FRMD3: variants seen among roughly 807,000 people sequenced by gnomAD.
FRMD3 encodes the protein FERM domain-containing protein 3.
Under a neutral mutation model 70.2 loss-of-function variants are expected in FRMD3, and 33 were observed. The observed-to-expected ratio is 0.47, with a 90% CI of 0.36 to 0.63. FRMD3 has a LOEUF of 0.63. Ranked by LOEUF, FRMD3 falls within the 20% of genes least tolerant of loss-of-function variation. The probability of loss-of-function intolerance (pLI) is 0.00; values close to 1 mark genes in which losing one functional copy is unlikely to be tolerated. For missense variants in FRMD3, 632 were observed against 711.4 expected (o/e 0.89, Z 1.27); for synonymous variants, 279 against 255.9 (o/e 1.09, Z -0.86).
At chr9:83,408,322 A>T (rs1201287769) in intron 1 of FRMD3, among the ~76,000 whole-genome samples, 4 of 152,218 alleles carry the variant, frequency 2.6e-5, no homozygotes, top group African/African-American at 9.7e-5. Flanking sequence ...TGGCACAAGG[A>T]TATTCGGGAG....
intron 13 of FRMD3, among the ~76,000 whole-genome samples, chr9:83,253,615 A>G (rs1166479717): frequency 6.6e-6 from 1 of 152,220 alleles, no homozygotes; most frequent in Non-Finnish European, 1.5e-5. Flanking sequence ...TCAGGAAACA[A>G]CAGGTGCTGG....
chr9:83,531,152 C>T (rs745957131), intron 1 of FRMD3, among the ~76,000 whole-genome samples: 1 of 152,126 alleles, frequency 6.6e-6, no homozygotes, highest in Non-Finnish European at 1.5e-5. Flanking sequence ...GAGGATAGAG[C>T]CATCCCAAAT....
At chr9:83,576,730 T>C in the FRMD3 span, among the ~76,000 whole-genome samples, 1 of 152,058 alleles carries the variant, frequency 6.6e-6, no homozygotes, top group African/African-American at 2.4e-5. Flanking sequence ...TATTTAACAT[T>C]GTACAGGAGT....
Position 83,507,691 on chromosome 9 carries a change from CATATATATATATAT to C in FRMD3, c.147+30380_147+30393del, listed in dbSNP as rs34251863. Among the ~76,000 whole-genome samples, 353 of 49,238 alleles carry C rather than the reference CATATATATATATAT, an allele frequency of 7.2e-3. 9 individuals are homozygous for C. The highest frequency in any genetic ancestry group is 0.016 in the East Asian group (25 of 1,558). 32.3% of individuals were successfully genotyped at this position (49,238 alleles called of 152,430 possible). A position where few individuals can be genotyped will look rare whatever the true frequency, so the allele number is the denominator to read the frequency against. ...TCTCAAACAAAAAAAAATATACATA[CATATATATATATAT>C]ATATATATATATATATATATATATA... On this transcript the variant is annotated intron_variant, in intron 1 of 13. Transcript: ENST00000304195.
At chr9:83,422,046 G>A (rs1438091519) in intron 1 of FRMD3, among the ~76,000 whole-genome samples, 2 of 152,124 alleles carry the variant, frequency 1.3e-5, no homozygotes. Context: ...CCAACGTGGT[G>A]AAACCCCGTC....
intron 1 of FRMD3, among the ~76,000 whole-genome samples, chr9:83,407,765 C>T (rs1037061228): frequency 6.6e-6 from 1 of 151,222 alleles, no homozygotes; most frequent in Admixed American, 6.6e-5. Flanking sequence ...GATGTGGAAG[C>T]AACTGAAGAT....
At position 83,516,058 on chromosome 9, in the gene FRMD3, C is replaced by T. The variant is rs550362227; in HGVS notation, c.147+22027G>A. Among the ~76,000 whole-genome samples the T allele has an allele frequency of 1.9e-4, 29 of 152,240 alleles. No homozygotes were observed. The Middle Eastern group carries it at 0.014, about 71-fold the overall frequency. On this transcript the variant is annotated intron_variant, in intron 1 of 13. Coordinates refer to ENST00000304195, the MANE Select transcript of FRMD3 (RefSeq NM_174938.6). ...CATTGATACTATGAAGAAACTGCAA[C>T]AACTAATGGGCAAAATAACCAGCTA... is the stretch of plus-strand genomic sequence containing the variant.
At chr9:83,488,972 TTGTG>T (rs4014025) in intron 1 of FRMD3, among the ~76,000 whole-genome samples, 2,950 of 135,592 alleles carry the variant, frequency 0.022, 38 homozygotes, top group Middle Eastern at 0.044. Flanking sequence ...CCCTATACCT[TTGTG>T]TGTGTGTGTG....
At chr9:83,283,539 AAAAAAAAAATAAT>A (rs774434012) in intron 13 of FRMD3, among the ~76,000 whole-genome samples, 678 of 45,296 alleles carry the variant, frequency 0.015, 4 homozygotes, top group East Asian at 0.078. Flanking sequence ...TCAAAAAAAA[AAAAAAAAAATAAT>A]AATAATAATA....
At chr9:83,293,605 T>C (rs1054229733) in intron 12 of FRMD3, among the ~76,000 whole-genome samples, 2 of 152,146 alleles carry the variant, frequency 1.3e-5, no homozygotes, top group African/African-American at 4.8e-5. Context: ...CATTGCAATG[T>C]CCAGACAATT....
intron 4 of FRMD3, among the ~76,000 whole-genome samples, chr9:83,345,753 T>A (rs907038765): frequency 1.3e-5 from 2 of 151,560 alleles, no homozygotes; most frequent in Non-Finnish European, 2.9e-5. Flanking sequence ...CAAGACTCCA[T>A]CTCAAAAAAT....
chr9:83,486,932 T>TAACAGTGACATCTGGTG (rs1400587651), intron 1 of FRMD3, among the ~76,000 whole-genome samples: 14 of 152,214 alleles, frequency 9.2e-5, no homozygotes, highest in African/African-American at 3.4e-4. Flanking sequence ...ACTCCTGCAT[T>TAACAGTGACATCTGGTG]AACAGTGACA....
chr9:83,399,082 T>C (rs935432603), intron 1 of FRMD3, among the ~76,000 whole-genome samples: 36 of 152,124 alleles, frequency 2.4e-4, no homozygotes, highest in African/African-American at 8.2e-4. Flanking sequence ...GGCTTAATAG[T>C]ATTAAAGCTA....
intron 10 of FRMD3, among the ~76,000 whole-genome samples, chr9:83,301,314 C>T (rs1042000213): frequency 6.6e-6 from 1 of 152,154 alleles, no homozygotes; most frequent in Non-Finnish European, 1.5e-5. Context: ...TCCCCACTAG[C>T]CCTACAGAGC....
intron 3 of FRMD3, among the ~76,000 whole-genome samples, chr9:83,358,145 T>C (rs984040941): frequency 1.4e-4 from 22 of 152,234 alleles, no homozygotes; most frequent in African/African-American, 5.3e-4. Context: ...TTCATTCTTC[T>C]ATATGTGGCT....
rs981929333 is a variant in FRMD3 at position 83,537,932 on chromosome 9, C to T, written c.147+153G>A. On this transcript the variant is annotated intron_variant, in intron 1 of 13. Coordinates refer to ENST00000304195, the MANE Select transcript of FRMD3 (RefSeq NM_174938.6). The surrounding 1 kb of genome is among the most constrained non-coding windows in gnomAD (Gnocchi z 4.1). Reference sequence around the variant, plus strand: ...CCCTCCATGCCAGGATAAGGCCCCCCACCCTCAGAGGCCTGAGGAATCGAA... The same window carrying T: ...CCCTCCATGCCAGGATAAGGCCCCCTACCCTCAGAGGCCTGAGGAATCGAA... Among the ~76,000 whole-genome samples the T allele has an allele frequency of 2.0e-5, 3 of 152,154 alleles. No homozygotes were observed. Among genetic ancestry groups the T allele is most frequent in the Admixed American group, 2.0e-4 (3 of 15,292 alleles).
chr9:83,328,033 T>G (rs185159935), intron 6 of FRMD3, among the ~76,000 whole-genome samples: 1 of 152,182 alleles, frequency 6.6e-6, no homozygotes, highest in African/African-American at 2.4e-5. Context: ...CCTGGGGCCA[T>G]GCAGGGACAA....
chr9:83,469,267 G>A (rs562733421), intron 1 of FRMD3, among the ~76,000 whole-genome samples: 2 of 152,148 alleles, frequency 1.3e-5, no homozygotes, highest in South Asian at 2.1e-4. Flanking sequence ...GTAGCAGTTC[G>A]CTGCTGAGGG....
At chr9:83,540,801 C>A (rs938742991), upstream of FRMD3, among the ~76,000 whole-genome samples, 3 of 152,210 alleles carry the variant, frequency 2.0e-5, no homozygotes, top group Non-Finnish European at 4.4e-5. Flanking sequence ...TTACAAACAA[C>A]AGAGCTCAAA....
Sources: allele counts gnomAD v4.1 joint callset (sites outside exome capture counted in the v4.1 genomes callset), GRCh38; gene constraint gnomAD v4.1.1; non-coding constraint Gnocchi (gnomAD v3.1); transcripts MANE v1.5; gene names NCBI Gene and HGNC (gene_info 2026-07-23, HGNC 2026-07-21).